RORA: variants seen among roughly 807,000 people sequenced by gnomAD.
RORA encodes nuclear receptor ROR-alpha.
RORA carries 7 observed loss-of-function variants against 69.5 expected under a neutral mutation model. The ratio of observed to expected loss-of-function variants is 0.10; its 90% CI spans 0.06 to 0.19. The LOEUF (loss-of-function observed/expected upper bound fraction) is 0.19, where lower values mean the gene tolerates loss of function less well. RORA is among the 10% of genes least tolerant of loss of function. The probability of loss-of-function intolerance (pLI) is 1.00; values close to 1 mark genes in which losing one functional copy is unlikely to be tolerated. For missense variants in RORA, 457 were observed against 663.0 expected, an observed-to-expected ratio of 0.69 and a Z score of 3.41; for synonymous variants, 261 against 240.8, an observed-to-expected ratio of 1.08 and a Z score of -0.78.
intron 1 of RORA, among the ~76,000 whole-genome samples, chr15:61,098,536 TCTCA>T (rs1476770269): frequency 2.0e-5 from 3 of 151,772 alleles, no homozygotes; most frequent in African/African-American, 7.3e-5. Context: ...GAGACAGGAG[TCTCA>T]CTATGTTGCC....
At chr15:60,927,918 T>C (rs1372565883) in intron 1 of RORA, among the ~76,000 whole-genome samples, 1 of 152,250 alleles carries the variant, frequency 6.6e-6, no homozygotes. Flanking sequence ...AAGTTGGCTA[T>C]TGACAGTGTC....
chr15:60,550,443 C>T (rs1483009050), intron 2 of RORA, among the ~76,000 whole-genome samples: 4 of 152,132 alleles, frequency 2.6e-5, no homozygotes, highest in Admixed American at 1.3e-4. Flanking sequence ...ATAATTTATG[C>T]GTCAATAGTT....
At chr15:60,607,450 T>C (rs967912441) in intron 2 of RORA, among the ~76,000 whole-genome samples, 1 of 152,224 alleles carries the variant, frequency 6.6e-6, no homozygotes, top group Non-Finnish European at 1.5e-5. Flanking sequence ...CTGCCTTGAA[T>C]GTGACATGGT....
At chr15:60,726,200 A>T (rs1307219253) in intron 1 of RORA, among the ~76,000 whole-genome samples, 2 of 152,144 alleles carry the variant, frequency 1.3e-5, no homozygotes, top group Non-Finnish European at 2.9e-5. Flanking sequence ...TATTGCTTTC[A>T]GAGTCACCTT....
At position 60,668,955 on chromosome 15, in the gene RORA, T is replaced by C. The variant is rs546288639; in HGVS notation, c.196+9702A>G. On this transcript the variant is annotated intron_variant, in intron 2 of 10. Transcript: ENST00000335670. Reference sequence around the variant, plus strand: ...ATTCTTTGTGCTGATGAAAAAGTAATAGTCACTGCAGTTGACTTTGCCTAC... The same window carrying C: ...ATTCTTTGTGCTGATGAAAAAGTAACAGTCACTGCAGTTGACTTTGCCTAC... 1.0e-3 allele frequency among the ~76,000 whole-genome samples: 154 copies of C among 152,286 alleles called. 1 individual carries two copies. Among genetic ancestry groups the C allele is most frequent in the Admixed American group, 2.7e-3 (42 of 15,308 alleles).
At chr15:61,090,224 C>T (rs74020845) in intron 1 of RORA, among the ~76,000 whole-genome samples, 3 of 152,168 alleles carry the variant, frequency 2.0e-5, no homozygotes, top group Admixed American at 6.5e-5. Context: ...GGTCAGGCTG[C>T]ATGAATCACT....
intron 2 of RORA, among the ~76,000 whole-genome samples, chr15:60,595,312 A>G (rs1196561851): frequency 6.6e-6 from 1 of 152,136 alleles, no homozygotes; most frequent in Non-Finnish European, 1.5e-5. Context: ...CAGGAGTTCA[A>G]GACCAACCTG....
intron 1 of RORA, among the ~76,000 whole-genome samples, chr15:60,832,087 G>A (rs2073049970): frequency 6.6e-6 from 1 of 152,210 alleles, no homozygotes; most frequent in African/African-American, 2.4e-5. Context: ...ACAGCTAGCT[G>A]TGGCTCAATA....
At chr15:60,993,571 G>C (rs28583026) in intron 1 of RORA, among the ~76,000 whole-genome samples, 3 of 150,556 alleles carry the variant, frequency 2.0e-5, no homozygotes, top group Non-Finnish European at 3.0e-5. Context: ...TGAACCCAGG[G>C]GGCGGAGGTT....
chr15:61,199,728 A>C (rs1256400039), intron 1 of RORA, among the ~76,000 whole-genome samples: 1 of 152,198 alleles, frequency 6.6e-6, no homozygotes, highest in Non-Finnish European at 1.5e-5. Context: ...TGTTATGGGA[A>C]GGGGGGGAAA....
chr15:61,050,302 C>T (rs1035202518), intron 1 of RORA, among the ~76,000 whole-genome samples: 4 of 152,190 alleles, frequency 2.6e-5, no homozygotes, highest in Non-Finnish European at 5.9e-5. Flanking sequence ...TGGCCCTTTA[C>T]GGAAAACGTG....
Position 60,572,257 on chromosome 15 carries a change from G to A in RORA, c.197-40406C>T, listed in dbSNP as rs566164049. ...GAAGATGTGGTCCTGCATTTCACAT[G>A]GCCAGCAAAGGGCAAAGAGGGGACA... On this transcript the variant is annotated intron_variant, in intron 2 of 10. Coordinates refer to ENST00000335670, the MANE Select transcript of RORA (RefSeq NM_134261.3). Among the ~76,000 whole-genome samples the A allele has an allele frequency of 1.4e-4, 22 of 152,294 alleles. No homozygotes were observed. The East Asian group carries it at 4.1e-3, about 28-fold the overall frequency.
In RORA at chr15:60,716,929, T is replaced by C. The variant is rs189957036; in HGVS notation, c.167-38243A>G. On this transcript the variant is annotated intron_variant, in intron 1 of 10. Coordinates refer to ENST00000335670, the MANE Select transcript of RORA (RefSeq NM_134261.3). ...CTTTGCAATATCCTCTATAATAAAC[T>C]GGTAAACATGTTTTCCTGAGTTCTT... Among the ~76,000 whole-genome samples the C allele has an allele frequency of 3.9e-5, 6 of 152,252 alleles. No homozygotes were observed. The East Asian group carries it at 9.6e-4, about 24-fold the overall frequency.
chr15:60,500,723 C>T (rs920606066), intron 9 of RORA, among the ~76,000 whole-genome samples: 4 of 152,130 alleles, frequency 2.6e-5, no homozygotes, highest in Admixed American at 6.5e-5. Flanking sequence ...GTTCAATTCT[C>T]ATTTCTTTAC....
At chr15:60,633,336 G>A (rs982018757) in intron 2 of RORA, among the ~76,000 whole-genome samples, 24 of 152,190 alleles carry the variant, frequency 1.6e-4, no homozygotes, top group African/African-American at 5.5e-4. Flanking sequence ...TTTTATTTCT[G>A]AGATGTATAT....
At chr15:61,009,237 C>T (rs905585236) in intron 1 of RORA, among the ~76,000 whole-genome samples, 1 of 152,162 alleles carries the variant, frequency 6.6e-6, no homozygotes, top group Non-Finnish European at 1.5e-5. Context: ...ATAAAAGTAG[C>T]CCATTCCGGG....
At chr15:61,072,219 C>CT (rs944475288) in intron 1 of RORA, among the ~76,000 whole-genome samples, 11 of 149,076 alleles carry the variant, frequency 7.4e-5, no homozygotes, top group African/African-American at 2.0e-4. Context: ...AAAACATTTC[C>CT]TTTTTTTTTT....
At position 60,590,406 on chromosome 15, in the gene RORA, C is replaced by T. The variant is rs191267853; in HGVS notation, c.197-58555G>A. Among the ~76,000 whole-genome samples, 11 of 152,276 alleles carry T rather than the reference C, an allele frequency of 7.2e-5. No individual in the cohort carries two copies. In the East Asian group the frequency reaches 1.9e-3, roughly 27 times the overall value. ...AATTACAAAAGCAAAAGCCTATGTACTAGGAAACATCAACTTTAAATCAAA... is the reference window on the plus strand; with the variant it reads ...AATTACAAAAGCAAAAGCCTATGTATTAGGAAACATCAACTTTAAATCAAA... On this transcript the variant is annotated intron_variant, in intron 2 of 10. Transcript: ENST00000335670.
chr15:60,961,885 C>T (rs1337881050), intron 1 of RORA, among the ~76,000 whole-genome samples: 1 of 152,186 alleles, frequency 6.6e-6, no homozygotes, highest in Non-Finnish European at 1.5e-5. Context: ...CTGACACAGG[C>T]ACCACATGCG....
Sources: gnomAD v4.1 joint callset for allele counts (sites outside exome capture counted in the v4.1 genomes callset) on GRCh38, gnomAD v4.1.1 for gene constraint, MANE v1.5 for transcripts, NCBI Gene and HGNC (gene_info 2026-07-23, HGNC 2026-07-21) for gene names.